FAM193A: variants seen among roughly 807,000 people sequenced by gnomAD.
The protein encoded by FAM193A is family with sequence similarity 193 member A.
Under a neutral mutation model 126.5 loss-of-function variants are expected in FAM193A, and 22 were observed. The ratio of observed to expected loss-of-function variants is 0.17; its 90% CI spans 0.12 to 0.25. The LOEUF (loss-of-function observed/expected upper bound fraction) is 0.25, where lower values mean the gene tolerates loss of function less well. Ranked by LOEUF, FAM193A falls within the 10% of genes least tolerant of loss-of-function variation. The pLI is 1.00. For missense variants in FAM193A, 1,675 were observed against 1,672.8 expected, an observed-to-expected ratio of 1.00 and a Z score of -0.02; for synonymous variants, 761 against 646.8, an observed-to-expected ratio of 1.18 and a Z score of -2.68.
At chr4:2,567,270 C>G (rs186210052) in intron 1 of FAM193A, among the ~76,000 whole-genome samples, 9 of 151,942 alleles carry the variant, frequency 5.9e-5, no homozygotes, top group African/African-American at 2.2e-4. Context: ...CCCGGCCTGA[C>G]TAGCTGAATT....
At chr4:2,559,322 T>C (rs547102933) in intron 1 of FAM193A, among the ~76,000 whole-genome samples, 1 of 152,288 alleles carries the variant, frequency 6.6e-6, no homozygotes, top group South Asian at 2.1e-4. Flanking sequence ...GTTTGAAAAA[T>C]TCCTCTAATT....
At chr4:2,603,233 C>G (rs994338114) in intron 2 of FAM193A, among the ~76,000 whole-genome samples, 1 of 149,366 alleles carries the variant, frequency 6.7e-6, no homozygotes, top group Non-Finnish European at 1.5e-5. Flanking sequence ...GACCTGCCCA[C>G]CTCGGCCTCC....
intron 1 of FAM193A, among the ~76,000 whole-genome samples, chr4:2,576,759 G>A (rs1739611439): frequency 1.3e-5 from 2 of 152,324 alleles, no homozygotes; most frequent in South Asian, 4.1e-4. Flanking sequence ...ATATATGTGT[G>A]TGCTTCTAGT....
At chr4:2,648,372 A>C (rs1745349366) in intron 7 of FAM193A, among the ~76,000 whole-genome samples, 1 of 152,282 alleles carries the variant, frequency 6.6e-6, no homozygotes, top group African/African-American at 2.4e-5. Context: ...CTCAGAGATC[A>C]CTTTGGTCCT....
chr4:2,695,290 A>T, intron 17 of FAM193A, 161 bp downstream of exon 17: 1 of 607,196 alleles, frequency 1.6e-6, no homozygotes, highest in Non-Finnish European at 2.6e-6. Context: ...ATTTAGCCAT[A>T]ATGATTTTTT....
At chr4:2,697,991 A>T (rs1238656995) in intron 18 of FAM193A, among the ~76,000 whole-genome samples, 2 of 152,192 alleles carry the variant, frequency 1.3e-5, no homozygotes, top group Non-Finnish European at 2.9e-5. Flanking sequence ...TCCAGACTTG[A>T]GGCCCAGCTG....
At chr4:2,626,605 C>T (rs933855387) in intron 4 of FAM193A, 28 bp downstream of exon 4, 3 of 676,114 alleles carry the variant, frequency 4.4e-6, no homozygotes, top group Non-Finnish European at 8.2e-6. Flanking sequence ...CTGTTGTGGC[C>T]CCATGCAAAC....
At chr4:2,723,926 G>C (rs1720446707) in intron 20 of FAM193A, among the ~76,000 whole-genome samples, 1 of 152,064 alleles carries the variant, frequency 6.6e-6, no homozygotes, top group Admixed American at 6.6e-5. Context: ...TCAGCCTCCT[G>C]GGTAGCTGGG....
chr4:2,657,437 C>T (rs188977452), intron 7 of FAM193A, among the ~76,000 whole-genome samples: 5 of 152,214 alleles, frequency 3.3e-5, no homozygotes, highest in Admixed American at 6.5e-5. Flanking sequence ...CTGAGCTCTT[C>T]GTGTGGCAGG....
At chr4:2,558,273 GAAAA>G (rs527575996) in intron 1 of FAM193A, among the ~76,000 whole-genome samples, 2 of 103,270 alleles carry the variant, frequency 1.9e-5, no homozygotes, top group East Asian at 2.6e-4. Context: ...CATCTCAAAT[GAAAA>G]AAAAAAAAAA....
chr4:2,647,098 TGCTGTCACTCACACGG>T (rs1367329461), intron 7 of FAM193A, among the ~76,000 whole-genome samples: 2 of 152,136 alleles, frequency 1.3e-5, no homozygotes, highest in African/African-American at 2.4e-5. Context: ...TGGGCACACC[TGCTGTCACTCACACGG>T]GCTGTCACCA....
chr4:2,598,827 T>C (rs1330241379), intron 2 of FAM193A, among the ~76,000 whole-genome samples: 1 of 152,176 alleles, frequency 6.6e-6, no homozygotes, highest in African/African-American at 2.4e-5. Flanking sequence ...GGGGAGTCTC[T>C]CTCTACTTCC....
intron 16 of FAM193A, among the ~76,000 whole-genome samples, chr4:2,694,740 C>T (rs142328766): frequency 4.3e-4 from 65 of 152,230 alleles, no homozygotes; most frequent in Middle Eastern, 3.4e-3. Context: ...TTTGAGGGAC[C>T]GCCTGCATGC....
chr4:2,646,710 T>C lies in FAM193A; in HGVS notation c.1189T>C (p.Cys397Arg), dbSNP rs868289815. ...IRLGTTTHDTCSEDTYSTLLQ... is the reference protein window; with the variant it reads ...IRLGTTTHDTRSEDTYSTLLQ... ...GCTAGGAACCACCACACACGACACCTGCAGTGAGGACACATACAGTACCTT... is the reference window on the plus strand; with the variant it reads ...GCTAGGAACCACCACACACGACACCCGCAGTGAGGACACATACAGTACCTT... Residue 397 changes from cysteine (C) to arginine (R), a missense_variant, in exon 7 of 21, where the codon TGC (cysteine) becomes CGC (arginine). Transcript: ENST00000637812. 1 of 1,612,146 alleles carries C rather than the reference T, an allele frequency of 6.2e-7. No homozygotes were observed. Among genetic ancestry groups the C allele is most frequent in the Non-Finnish European group, 8.5e-7 (1 of 1,179,054 alleles).
At position 2,634,137 on chromosome 4, in the gene FAM193A, G is replaced by A. The variant is rs148317328; in HGVS notation, c.1038+2968G>A. Among the ~76,000 whole-genome samples the A allele has an allele frequency of 8.6e-3, 1,307 of 152,310 alleles. 9 individuals are homozygous for A. The highest frequency in any genetic ancestry group is 0.014 in the Non-Finnish European group (943 of 68,020). ...AGTAAGGTTGAAGTGGAAACTCCGAGCACCGAAAGGGACAGCAGGGATCTG... is the reference window on the plus strand; with the variant it reads ...AGTAAGGTTGAAGTGGAAACTCCGAACACCGAAAGGGACAGCAGGGATCTG... On this transcript the variant is annotated intron_variant, in intron 5 of 20. Coordinates refer to ENST00000637812, the MANE Select transcript of FAM193A (RefSeq NM_001366318.2).
chr4:2,716,392 T>C (rs1380737537), intron 20 of FAM193A, among the ~76,000 whole-genome samples: 1 of 150,396 alleles, frequency 6.6e-6, no homozygotes, highest in African/African-American at 2.4e-5. Flanking sequence ...GTTGCGCTTC[T>C]GAGGCGGTGG....
At chr4:2,696,900 G>A (rs1018174148) in intron 18 of FAM193A, among the ~76,000 whole-genome samples, 5 of 152,156 alleles carry the variant, frequency 3.3e-5, no homozygotes, top group East Asian at 1.9e-4. Context: ...CCTTCTTTTC[G>A]AAGAAAGGAG....
intron 2 of FAM193A, among the ~76,000 whole-genome samples, chr4:2,602,873 G>C (rs1305930403): frequency 6.7e-6 from 1 of 149,068 alleles, no homozygotes; most frequent in African/African-American, 2.5e-5. Flanking sequence ...TGTTAGCCAG[G>C]ATTGTCTGGA....
At chr4:2,554,613 G>A (rs546038438) in intron 1 of FAM193A, among the ~76,000 whole-genome samples, 2 of 151,952 alleles carry the variant, frequency 1.3e-5, no homozygotes, top group African/African-American at 2.4e-5. Flanking sequence ...GGTTTTGTTC[G>A]CTTCTGTATT....
Sources: gnomAD v4.1 joint callset for allele counts (sites outside exome capture counted in the v4.1 genomes callset) on GRCh38, gnomAD v4.1.1 for gene constraint, MANE v1.5 for transcripts, NCBI Gene and HGNC (gene_info 2026-07-23, HGNC 2026-07-21) for gene names.